Variants in CDCA7L observed in about 807,000 individuals in gnomAD.
CDCA7L encodes the protein cell division cycle associated 7 like.
In CDCA7L, 44 loss-of-function variants were observed where a neutral mutation model predicts 57.4. The ratio of observed to expected loss-of-function variants is 0.77; its 90% confidence interval spans 0.60 to 0.98. CDCA7L has a LOEUF of 0.98. Ranked by LOEUF, CDCA7L falls within the 50% of genes least tolerant of loss-of-function variation. The pLI, the probability that CDCA7L is intolerant of heterozygous loss-of-function variation, is 0.00. For missense variants in CDCA7L, 644 were observed against 580.6 expected (o/e 1.11, Z -1.12); for synonymous variants, 236 against 202.8 (o/e 1.16, Z -1.39).
In CDCA7L at chr7:21,927,290, C is replaced by T. The variant is rs189509052; in HGVS notation, c.25-10396G>A. Among the ~76,000 whole-genome samples the T allele has an allele frequency of 8.0e-4, 121 of 152,080 alleles. 1 individual carries two copies. The highest frequency in any genetic ancestry group is 2.8e-3 in the African/African-American group (117 of 41,504). On this transcript the variant is annotated intron_variant, in intron 1 of 9. Coordinates refer to ENST00000406877, the MANE Select transcript of CDCA7L (RefSeq NM_018719.5). ...AAAGAACTAACGTGAATCTGGAAAA[C>T]GAGCAAAATGAGCCTATTAACAAAG...
chr7:21,905,701 A>G, intron 6 of CDCA7L, 70 bp from the exon 7 acceptor site: 1 of 1,498,624 alleles, frequency 6.7e-7, no homozygotes, highest in Non-Finnish European at 9.0e-7. Flanking sequence ...AATATTTTAA[A>G]CTCTCAAAGA....
At chr7:21,937,258 G>A (rs1786199097) in intron 1 of CDCA7L, among the ~76,000 whole-genome samples, 1 of 152,122 alleles carries the variant, frequency 6.6e-6, no homozygotes, top group Admixed American at 6.6e-5. Flanking sequence ...CAAACTCTCA[G>A]TGACTTCTTT....
chr7:21,902,270 T>TGTCTTGTTG lies in CDCA7L; in HGVS notation c.*43_*51dup. 1 of 1,539,406 alleles carries TGTCTTGTTG rather than the reference T, an allele frequency of 6.5e-7. No homozygotes were observed. The highest frequency in any genetic ancestry group is 9.0e-7 in the Non-Finnish European group (1 of 1,112,018). On this transcript the variant is annotated 3_prime_UTR_variant, in exon 10 of 10. Transcript: ENST00000406877. Reference sequence around the variant, plus strand: ...CTTTCTTAGGCACCAATGGTATGCATGTCTTGTTGGAGTACTCTATGGTGA... The same window carrying TGTCTTGTTG: ...CTTTCTTAGGCACCAATGGTATGCATGTCTTGTTGGTCTTGTTGGAGTACTCTATGGTGA...
At chr7:21,934,738 C>T (rs1163926503) in intron 1 of CDCA7L, among the ~76,000 whole-genome samples, 2 of 151,838 alleles carry the variant, frequency 1.3e-5, no homozygotes, top group Non-Finnish European at 2.9e-5. Flanking sequence ...AAAAGATACT[C>T]GATGCAAATA....
chr7:21,932,317 G>C (rs138998567), intron 1 of CDCA7L, among the ~76,000 whole-genome samples: 1 of 152,056 alleles, frequency 6.6e-6, no homozygotes, highest in Non-Finnish European at 1.5e-5. Flanking sequence ...ATTTCATGTG[G>C]AACCAAAAAT....
In CDCA7L at chr7:21,901,654, TAACA is replaced by T. The variant is rs904123979; in HGVS notation, c.*664_*667del. ...CGGAAAGAACGGAGATTTTAATTTT[TAACA>T]AACAACAAATTAAATTATTAGCCCT... On this transcript the variant is annotated 3_prime_UTR_variant, in exon 10 of 10. Coordinates refer to ENST00000406877, the MANE Select transcript of CDCA7L (RefSeq NM_018719.5). 2.5e-5 allele frequency: 4 copies of T among 157,996 alleles called. No individual in the cohort carries two copies. The highest frequency in any genetic ancestry group is 5.6e-5 in the Non-Finnish European group (4 of 71,836). The allele number at this position is 157,996 out of a possible 1,614,324, so 9.8% of individuals were successfully genotyped here. A position where few individuals can be genotyped will look rare whatever the true frequency, so the allele number is the denominator to read the frequency against.
At chr7:21,923,572 C>G (rs779628186) in intron 1 of CDCA7L, among the ~76,000 whole-genome samples, 1 of 152,162 alleles carries the variant, frequency 6.6e-6, no homozygotes, top group Non-Finnish European at 1.5e-5. Flanking sequence ...ATCTTCCAAA[C>G]TGACAGAACA....
At chr7:21,921,763 T>C (rs1385197559) in intron 1 of CDCA7L, among the ~76,000 whole-genome samples, 2 of 151,484 alleles carry the variant, frequency 1.3e-5, no homozygotes, top group Non-Finnish European at 2.9e-5. Context: ...AACTACTATC[T>C]AGTGAACCAA....
rs1784869701 is a variant in CDCA7L, at chr7:21,901,665, A to AAATT, written c.*653_*656dup. 4 of 157,350 alleles carry AAATT rather than the reference A, an allele frequency of 2.5e-5. No individual in the cohort carries two copies. The highest frequency in any genetic ancestry group is 9.6e-5 in the African/African-American group (4 of 41,592). The allele number at this position is 157,350 out of a possible 1,614,324, so 9.7% of individuals were successfully genotyped here. Reference sequence around the variant, plus strand: ...GAGATTTTAATTTTTAACAAACAACAAATTAAATTATTAGCCCTTAAACTC... The same window carrying AAATT: ...GAGATTTTAATTTTTAACAAACAACAAATTAATTAAATTATTAGCCCTTAAACTC... On this transcript the variant is annotated 3_prime_UTR_variant, in exon 10 of 10. Coordinates refer to ENST00000406877, the MANE Select transcript of CDCA7L (RefSeq NM_018719.5).
At chr7:21,933,506 T>C (rs894205642) in intron 1 of CDCA7L, among the ~76,000 whole-genome samples, 2 of 152,112 alleles carry the variant, frequency 1.3e-5, no homozygotes, top group East Asian at 1.9e-4. Context: ...TGCAGGGACA[T>C]GGATGAAGCA....
At position 21,902,356 on chromosome 7, in the gene CDCA7L, G is replaced by C. The variant is rs759123121; in HGVS notation, c.1335-4C>G. ...TTCTACCAGCTCCTTTTGTAAGCTG[G>C]GAAAAAGATGAGAAGTATTTGGTAA... On this transcript the variant is annotated splice_polypyrimidine_tract_variant and splice_region_variant and intron_variant, in intron 9 of 9. Transcript: ENST00000406877. 1.9e-6 allele frequency: 3 copies of C among 1,613,610 alleles called. No individual in the cohort carries two copies. In the South Asian group the frequency reaches 3.3e-5, roughly 18 times the overall value.
intron 1 of CDCA7L, among the ~76,000 whole-genome samples, chr7:21,942,287 G>A (rs569759168): frequency 1.3e-5 from 2 of 152,272 alleles, no homozygotes; most frequent in African/African-American, 4.8e-5. Context: ...TACTACTATG[G>A]AAGATACATT....
intron 1 of CDCA7L, among the ~76,000 whole-genome samples, chr7:21,918,702 C>T (rs756416234): frequency 1.3e-5 from 2 of 152,150 alleles, no homozygotes; most frequent in Non-Finnish European, 2.9e-5. Flanking sequence ...GCCAAGACTA[C>T]TTTTTAGGAA....
chr7:21,912,871 A>C (rs942369167), intron 2 of CDCA7L, among the ~76,000 whole-genome samples: 1 of 152,202 alleles, frequency 6.6e-6, no homozygotes, highest in African/African-American at 2.4e-5. Context: ...TTTCTTTTGA[A>C]ATAGTGCAAA....
chr7:21,912,832 T>C (rs1785374022), intron 2 of CDCA7L, among the ~76,000 whole-genome samples: 2 of 152,230 alleles, frequency 1.3e-5, no homozygotes, highest in South Asian at 4.1e-4. Flanking sequence ...GCAATGTGAC[T>C]CTTTAAGAAA....
At position 21,908,221 on chromosome 7, in the gene CDCA7L, G is replaced by A; in HGVS notation, c.590C>T (p.Ser197Phe). The A allele has an allele frequency of 1.2e-6, 2 of 1,612,652 alleles. No individual in the cohort carries two copies. Among genetic ancestry groups the A allele is most frequent in the Non-Finnish European group, 1.7e-6 (2 of 1,179,752 alleles). The change falls in exon 4 of 10, where the codon TCT (serine) becomes TTT (phenylalanine). Residue 197 changes from serine (S) to phenylalanine (F), a missense_variant. Transcript: ENST00000406877. ...ATCCCGAGAGTCATCCTCAGACTCA[G>A]AGGTAGAATCTTCCCTTTGTATCAC... ...RQVIQREDST[S>F]ESEDDSRDES...
intron 8 of CDCA7L, 50 bp from the exon 9 acceptor site, chr7:21,903,164 G>A (rs919559594): frequency 1.3e-6 from 2 of 1,569,524 alleles, no homozygotes; most frequent in Non-Finnish European, 1.7e-6. Flanking sequence ...ACAGGGTCTG[G>A]CAAGAACTGG....
chr7:21,907,265 G>T (rs1172628142), intron 4 of CDCA7L, among the ~76,000 whole-genome samples: 1 of 152,164 alleles, frequency 6.6e-6, no homozygotes, highest in Non-Finnish European at 1.5e-5. Context: ...GATGCAGATG[G>T]ATACAGTGCT....
intron 4 of CDCA7L, 140 bp downstream of exon 4, chr7:21,907,990 A>T (rs1010792514): frequency 8.3e-5 from 71 of 854,716 alleles, no homozygotes; most frequent in Admixed American, 1.1e-4. Context: ...AAGTAAAAGG[A>T]TACACAATAC....
Sources: gnomAD v4.1 joint callset for allele counts (sites outside exome capture counted in the v4.1 genomes callset) on GRCh38, gnomAD v4.1.1 for gene constraint, MANE v1.5 for transcripts, NCBI Gene and HGNC (gene_info 2026-07-23, HGNC 2026-07-21) for gene names.